GREB1: variants seen among roughly 807,000 people sequenced by gnomAD.
The protein encoded by GREB1 is growth regulating estrogen receptor binding 1.
A neutral mutation model predicts 200.7 loss-of-function variants in GREB1; 106 were observed. The observed-to-expected ratio is 0.53, with a 90% CI of 0.45 to 0.62. The LOEUF is 0.62. Among genes scored for constraint, GREB1 ranks in the 20% least tolerant of loss-of-function variants. GREB1 has a pLI of 0.00. For missense variants in GREB1, 2,243 were observed against 2,556.8 expected (o/e 0.88, Z 2.65); for synonymous variants, 1,132 against 1,092.4 (o/e 1.04, Z -0.72).
At chr2:11,635,807 TG>T (rs1421102652) in intron 30 of GREB1, among the ~76,000 whole-genome samples, 2 of 151,922 alleles carry the variant, frequency 1.3e-5, no homozygotes, top group East Asian at 3.9e-4. Flanking sequence ...AGCCTCGGGG[TG>T]GGGAGAGACC....
Position 11,618,387 on chromosome 2 carries a change from G to T in GREB1, c.3512G>T (p.Arg1171Ile), listed in dbSNP as rs758437495. 2 of 1,611,934 alleles carry T rather than the reference G, an allele frequency of 1.2e-6. No individual in the cohort carries two copies. The highest frequency in any genetic ancestry group is 1.7e-6 in the Non-Finnish European group (2 of 1,179,458). The change falls in exon 22 of 33, where the codon AGA (arginine) becomes ATA (isoleucine). Residue 1171 changes from arginine (R) to isoleucine (I), a missense_variant. Transcript: ENST00000381486. ...CCCCGTGGCCCCGCAGAGGAGGGCAGAGCCCCTGGTGAGAAACAGAGGCCC... is the reference window on the plus strand; with the variant it reads ...CCCCGTGGCCCCGCAGAGGAGGGCATAGCCCCTGGTGAGAAACAGAGGCCC... ...PQPRGPAEEG[R>I]APGEKQRPRA...
At chr2:11,529,768 C>T (rs1674004345), upstream of GREB1, among the ~76,000 whole-genome samples, 1 of 152,160 alleles carries the variant, frequency 6.6e-6, no homozygotes, top group South Asian at 2.1e-4. Context: ...GTGAATGACT[C>T]ACAGGTACAG....
rs753297960 is a variant in GREB1, at chr2:11,593,125, C to T, written c.1695C>T (p.Thr565=). 28 of 1,594,322 alleles carry T rather than the reference C, an allele frequency of 1.8e-5. 1 individual carries two copies. The East Asian group carries it at 2.7e-4, about 15-fold the overall frequency. Reference sequence around the variant, plus strand: ...CCATCGACTCCTGCATCGCCGTCACCGGTGAGCTCTGGGCCGCGCGGCTGC... The same window carrying T: ...CCATCGACTCCTGCATCGCCGTCACTGGTGAGCTCTGGGCCGCGCGGCTGC... ...SAAIDSCIAV[T]GKYQARILSE... is the part of the protein sequence containing the mutation. The change falls in exon 11 of 33, where the codon ACC becomes ACT. Residue 565 remains threonine (T), a splice_region_variant and synonymous_variant. Transcript: ENST00000381486.
chr2:11,576,580 C>T (rs1678879070), intron 5 of GREB1, 45 bp downstream of exon 5: 1 of 1,506,180 alleles, frequency 6.6e-7, no homozygotes, highest in Non-Finnish European at 9.1e-7. Flanking sequence ...GCTGGGCCCC[C>T]AAGTGGGCCG....
intron 1 of GREB1, among the ~76,000 whole-genome samples, chr2:11,514,921 G>A (rs553772074): frequency 7.2e-5 from 11 of 152,060 alleles, no homozygotes; most frequent in South Asian, 6.2e-4. Context: ...GAATCCATCC[G>A]TCCACACATG....
In GREB1 at chr2:11,633,968, G is replaced by C. The variant is rs972252189; in HGVS notation, c.4992-163G>C. On this transcript the variant is annotated intron_variant, in intron 28 of 32. Transcript: ENST00000381486. This position sits in a 1 kb window ranked among gnomAD's most constrained non-coding sequence, Gnocchi z 4.1. ...CACATAGCAGAAATGAGCGCCCGTG[G>C]GAAGCGCCCAGCAGGGTGCCTGGCC... 1.3e-5 allele frequency among the ~76,000 whole-genome samples: 2 copies of C among 152,236 alleles called. No individual in the cohort carries two copies. Among genetic ancestry groups the C allele is most frequent in the Non-Finnish European group, 2.9e-5 (2 of 68,040 alleles).
intron 4 of GREB1, among the ~76,000 whole-genome samples, chr2:11,567,281 C>A (rs1200879054): frequency 6.6e-6 from 1 of 152,154 alleles, no homozygotes; most frequent in Admixed American, 6.5e-5. Context: ...TGCACCACCA[C>A]ATCCGGCTAA....
chr2:11,606,839 G>C (rs1006628856), intron 17 of GREB1, among the ~76,000 whole-genome samples: 4 of 151,260 alleles, frequency 2.6e-5, no homozygotes, highest in Non-Finnish European at 5.9e-5. Context: ...CTGGAGTGCA[G>C]AGGCATGATC....
intron 8 of GREB1, 76 bp downstream of exon 8, chr2:11,585,350 G>GCGCACGCACACACGCACACA: frequency 3.6e-6 from 3 of 829,464 alleles, no homozygotes; most frequent in Non-Finnish European, 5.7e-6. Context: ...GTGTGTATGT[G>GCGCACGCACACACGCACACA]TGCGTGTGTG....
intron 1 of GREB1, among the ~76,000 whole-genome samples, chr2:11,513,162 G>T (rs374168458): frequency 1.3e-5 from 2 of 152,306 alleles, no homozygotes; most frequent in African/African-American, 2.4e-5. Flanking sequence ...GTTCTAGAAT[G>T]CCCCGAGGAT....
rs1361966405 is a variant in GREB1, at chr2:11,627,058, A to T, written c.4403A>T (p.His1468Leu). 6.2e-7 allele frequency: 1 copy of T among 1,613,370 alleles called. No homozygotes were observed. The highest frequency in any genetic ancestry group is 2.2e-5 in the East Asian group (1 of 44,846). Residue 1468 changes from histidine to leucine, a missense_variant, in exon 25 of 33, where the codon CAC becomes CTC. This residue lies in a region of GREB1 where 587 missense variants were observed against 553.1 expected (regional missense o/e 1.06). Transcript: ENST00000381486. ...TACGCAGCGTACAACACTTACCACC[A>T]CTGTGAGCAGTGCCACCAGTACATG... ...SKYAAYNTYH[H>L]CEQCHQYMGF... is the part of the protein sequence containing the mutation.
At position 11,587,417 on chromosome 2, in the gene GREB1, G is replaced by A. The variant is rs905971252; in HGVS notation, c.1160-1329G>A. On this transcript the variant is annotated intron_variant, in intron 9 of 32. Coordinates refer to ENST00000381486, the MANE Select transcript of GREB1 (RefSeq NM_014668.4). ...TGGTGCTACCCAAATGGTAGCCCTT[G>A]GTCCGGCAGAACCTGCATCGCCCCG... is the stretch of plus-strand genomic sequence containing the variant. 1.9e-6 allele frequency: 3 copies of A among 1,613,844 alleles called. No individual in the cohort carries two copies. In the African/African-American group the frequency reaches 4.0e-5, roughly 22 times the overall value.
In GREB1 at chr2:11,597,723, G is replaced by A; in HGVS notation, c.1955-58G>A. The stretch of plus-strand genomic sequence containing the variant: ...GGTCTCACTGATTCTCTGGCCAAGG[G>A]CCTGGCAGTAGCCGTGTGCCCTGGA... On this transcript the variant is annotated intron_variant, in intron 13 of 32. Coordinates refer to ENST00000381486, the MANE Select transcript of GREB1 (RefSeq NM_014668.4). This position sits in a 1 kb window ranked among gnomAD's most constrained non-coding sequence, Gnocchi z 4.1. 1 of 1,502,202 alleles carries A rather than the reference G, an allele frequency of 6.7e-7. No homozygotes were observed. The highest frequency in any genetic ancestry group is 1.1e-5 in the South Asian group (1 of 88,860). 93.1% of individuals were successfully genotyped at this position (1,502,202 alleles called of 1,614,324 possible).
chr2:11,497,165 T>G (rs1672910618), intron 1 of GREB1, among the ~76,000 whole-genome samples: 1 of 152,222 alleles, frequency 6.6e-6, no homozygotes, highest in Admixed American at 6.5e-5. Context: ...CTGTTCTCTA[T>G]CTCTATAATT....
In GREB1 at chr2:11,597,412, G is replaced by A. The variant is rs1411485911; in HGVS notation, c.1955-369G>A. On this transcript the variant is annotated intron_variant, in intron 13 of 32. Coordinates refer to ENST00000381486, the MANE Select transcript of GREB1 (RefSeq NM_014668.4). This position sits in a 1 kb window ranked among gnomAD's most constrained non-coding sequence, Gnocchi z 4.1. ...CATACAGAGTTCCTAAATGACTGTCGTGTTAGTTTTCTTTTCTGGAGAGTT... is the reference window on the plus strand; with the variant it reads ...CATACAGAGTTCCTAAATGACTGTCATGTTAGTTTTCTTTTCTGGAGAGTT... Among the ~76,000 whole-genome samples the A allele has an allele frequency of 6.6e-6, 1 of 152,030 alleles. No individual in the cohort carries two copies. The highest frequency in any genetic ancestry group is 1.5e-5 in the Non-Finnish European group (1 of 68,002).
intron 2 of GREB1, among the ~76,000 whole-genome samples, chr2:11,557,189 T>C (rs866951101): frequency 1.7e-4 from 26 of 150,548 alleles, no homozygotes; most frequent in South Asian, 6.2e-4. Flanking sequence ...TCAGAAACTT[T>C]TAAAAACCAA....
In GREB1 at chr2:11,642,395, T is replaced by A. The variant is rs1165806458; in HGVS notation, c.*1941T>A. On this transcript the variant is annotated 3_prime_UTR_variant, in exon 33 of 33. Transcript: ENST00000381486. The stretch of plus-strand genomic sequence containing the variant: ...TGCCCACCTCATCCTCCAAAAGTGC[T>A]GGGATTACAGGCATGAGCCACTGCG... 6.6e-6 allele frequency: 1 copy of A among 152,170 alleles called. No homozygotes were observed. The highest frequency in any genetic ancestry group is 1.5e-5 in the Non-Finnish European group (1 of 68,040). 9.4% of individuals were successfully genotyped at this position (152,170 alleles called of 1,614,324 possible). A position where few individuals can be genotyped will look rare whatever the true frequency, so the allele number is the denominator to read the frequency against.
At chr2:11,601,025 T>C in intron 16 of GREB1, 30 bp downstream of exon 16, 3 of 1,567,254 alleles carry the variant, frequency 1.9e-6, no homozygotes, top group Non-Finnish European at 2.6e-6. Flanking sequence ...TGGGCCCTTG[T>C]GTAGCAATAT....
chr2:11,525,900 T>C (rs959772182), intron 1 of GREB1, among the ~76,000 whole-genome samples: 5 of 152,174 alleles, frequency 3.3e-5, no homozygotes, highest in African/African-American at 1.2e-4. Flanking sequence ...GATGGATCCT[T>C]TGTTGTAAAG....
Sources: allele counts gnomAD v4.1 joint callset (sites outside exome capture counted in the v4.1 genomes callset), GRCh38; gene constraint gnomAD v4.1.1; regional missense constraint gnomAD v4.1.1; non-coding constraint Gnocchi (gnomAD v3.1); transcripts MANE v1.5; gene names NCBI Gene and HGNC (gene_info 2026-07-23, HGNC 2026-07-21).